Variants in PRAG1 observed in about 807,000 individuals in gnomAD.
PRAG1 encodes the protein inactive tyrosine-protein kinase PRAG1.
A neutral mutation model predicts 95.6 loss-of-function variants in PRAG1; 110 were observed. That is an observed-to-expected ratio of 1.15 (90% confidence interval 0.99 to 1.35). PRAG1 has a LOEUF of 1.35. Among genes scored for constraint, PRAG1 ranks in the 40% most tolerant of loss-of-function variants. The pLI is 0.00. For synonymous variants in PRAG1, 1,052 were observed against 819.4 expected, an observed-to-expected ratio of 1.28 and a Z score of -4.85; for missense variants, 2,554 against 1,864.7, an observed-to-expected ratio of 1.37 and a Z score of -6.81.
chr8:8,318,086 G>T lies in PRAG1; in HGVS notation c.*68C>A. On this transcript the variant is annotated 3_prime_UTR_variant, in exon 6 of 6. Coordinates refer to ENST00000615670, the MANE Select transcript of PRAG1 (RefSeq NM_001080826.3). This position sits in a 1 kb window ranked among gnomAD's most constrained non-coding sequence, Gnocchi z 4.2. ...TACCATTTCCCAGGGAGACATGGGTGCTTCCAAGGCGAGACAGGAAAGGGT... is the reference window on the plus strand; with the variant it reads ...TACCATTTCCCAGGGAGACATGGGTTCTTCCAAGGCGAGACAGGAAAGGGT... The T allele has an allele frequency of 6.8e-7, 1 of 1,472,034 alleles. No individual in the cohort carries two copies. The highest frequency in any genetic ancestry group is 9.1e-7 in the Non-Finnish European group (1 of 1,100,100). 91.2% of individuals were successfully genotyped at this position (1,472,034 alleles called of 1,614,324 possible).
intron 3 of PRAG1, among the ~76,000 whole-genome samples, chr8:8,357,692 A>C (rs961908489): frequency 2.0e-5 from 3 of 152,228 alleles, no homozygotes; most frequent in Non-Finnish European, 4.4e-5. Flanking sequence ...TTTGTGGTAT[A>C]TATTTCAAAG....
Position 8,328,406 on chromosome 8 carries a change from A to G in PRAG1, c.2376T>C (p.Ala792=). Residue 792 remains alanine (A), a synonymous_variant, in exon 5 of 6, where the codon GCT becomes GCC. Transcript: ENST00000615670. ...SPTNSGKKLF[A]PVPFPSGSTE... ...TGGAGCCTGAAGGAAACGGAACGGG[A>G]GCAAAGAGCTTCTTCCCGCTGTTGG... is the stretch of plus-strand genomic sequence containing the variant. 2 of 1,613,692 alleles carry G rather than the reference A, an allele frequency of 1.2e-6. No individual in the cohort carries two copies. The highest frequency in any genetic ancestry group is 1.7e-6 in the Non-Finnish European group (2 of 1,180,014).
At chr8:8,383,318 C>A (rs965581452) in intron 1 of PRAG1, among the ~76,000 whole-genome samples, 1 of 152,180 alleles carries the variant, frequency 6.6e-6, no homozygotes, top group African/African-American at 2.4e-5. Flanking sequence ...CGCCTGTAAT[C>A]CCAGCACTTT....
At chr8:8,346,413 G>A (rs1050889306) in intron 3 of PRAG1, among the ~76,000 whole-genome samples, 1 of 152,172 alleles carries the variant, frequency 6.6e-6, no homozygotes, top group Non-Finnish European at 1.5e-5. Context: ...ATACAGTCCA[G>A]GCAGGCAGGG....
At chr8:8,378,328 G>A (rs999606933) in intron 2 of PRAG1, among the ~76,000 whole-genome samples, 1 of 152,152 alleles carries the variant, frequency 6.6e-6, no homozygotes, top group East Asian at 1.9e-4. Flanking sequence ...CCCATGGACT[G>A]TAATGCTTTT....
At chr8:8,330,556 G>T (rs1425038039) in intron 4 of PRAG1, among the ~76,000 whole-genome samples, 3 of 152,134 alleles carry the variant, frequency 2.0e-5, no homozygotes, top group Admixed American at 1.3e-4. Context: ...CTTCCAGGAG[G>T]GCTCAAGTTA....
At chr8:8,355,987 A>C (rs1311417758) in intron 3 of PRAG1, among the ~76,000 whole-genome samples, 1 of 152,254 alleles carries the variant, frequency 6.6e-6, no homozygotes, top group Non-Finnish European at 1.5e-5. Flanking sequence ...ATGAAAAGGC[A>C]ACTTAGGAAC....
rs762891683 is a variant in PRAG1, at chr8:8,328,055, G to A, written c.2727C>T (p.Gly909=). ...CGGAGGGGGCCCCTTTGCACTGGAG[G>A]CCAGGGCTCCCGCAGCCGCCTCTGT... is the stretch of plus-strand genomic sequence containing the variant. ...AGNRGGCGSP[G]LQCKGAPSAS... Residue 909 remains glycine, a synonymous_variant, in exon 5 of 6, where the codon GGC becomes GGT. Coordinates refer to ENST00000615670, the MANE Select transcript of PRAG1 (RefSeq NM_001080826.3). The A allele has an allele frequency of 2.5e-6, 4 of 1,593,806 alleles. No individual in the cohort carries two copies. The South Asian group carries it at 4.6e-5, about 18-fold the overall frequency.
At chr8:8,328,580 A>C in intron 4 of PRAG1, 119 bp from the exon 5 acceptor site, 1 of 1,118,268 alleles carries the variant, frequency 8.9e-7, no homozygotes, top group Admixed American at 3.0e-5. Context: ...ATTTTATGTT[A>C]CTTCTTTTCT....
At chr8:8,363,827 A>C (rs751598372) in intron 3 of PRAG1, among the ~76,000 whole-genome samples, 3 of 152,182 alleles carry the variant, frequency 2.0e-5, no homozygotes, top group Non-Finnish European at 2.9e-5. Context: ...AACTGTTTAT[A>C]TTTAATTTAT....
chr8:8,325,244 A>G (rs976411941), intron 5 of PRAG1, among the ~76,000 whole-genome samples: 3 of 152,060 alleles, frequency 2.0e-5, no homozygotes, highest in Non-Finnish European at 2.9e-5. Context: ...CCCCCCAATG[A>G]CCAGGCCAGG....
chr8:8,341,578 T>A (rs930127495), intron 3 of PRAG1, among the ~76,000 whole-genome samples: 1 of 152,258 alleles, frequency 6.6e-6, no homozygotes, highest in African/African-American at 2.4e-5. Context: ...GTTTATTAAA[T>A]GCCTTTTCTA....
chr8:8,330,361 C>G (rs558748857), intron 4 of PRAG1, among the ~76,000 whole-genome samples: 2 of 152,314 alleles, frequency 1.3e-5, no homozygotes, highest in South Asian at 4.1e-4. Context: ...GTGAGACTGT[C>G]ACAAGTGAAA....
At chr8:8,328,582 T>C (rs1293925458) in intron 4 of PRAG1, 121 bp from the exon 5 acceptor site, 1 of 1,092,908 alleles carries the variant, frequency 9.1e-7, no homozygotes, top group African/African-American at 1.6e-5. Context: ...TTTATGTTAC[T>C]TCTTTTCTAT....
chr8:8,321,087 T>C (rs865790371), intron 5 of PRAG1, among the ~76,000 whole-genome samples: 2 of 152,242 alleles, frequency 1.3e-5, no homozygotes, highest in Non-Finnish European at 2.9e-5. Flanking sequence ...TATTCCGGAC[T>C]ACCCAACTCT....
At chr8:8,323,873 G>T (rs566905165) in intron 5 of PRAG1, among the ~76,000 whole-genome samples, 5 of 152,108 alleles carry the variant, frequency 3.3e-5, no homozygotes, top group Admixed American at 3.3e-4. Flanking sequence ...ACTGGAAAGC[G>T]CTTCGAGTAT....
At chr8:8,338,845 C>T (rs1028641895) in intron 4 of PRAG1, among the ~76,000 whole-genome samples, 1 of 152,176 alleles carries the variant, frequency 6.6e-6, no homozygotes, top group African/African-American at 2.4e-5. Flanking sequence ...AGGACACATA[C>T]ACAAAGAATG....
In PRAG1 at chr8:8,384,572, C is replaced by G. The variant is rs534393197; in HGVS notation, c.-88+1749G>C. On this transcript the variant is annotated intron_variant, in intron 1 of 5. Coordinates refer to ENST00000615670, the MANE Select transcript of PRAG1 (RefSeq NM_001080826.3). ...CTGCATCCTGTTAAAACTGGTTTCTCAGTCGCAGCAAACAGAATTTACCAC... is the reference window on the plus strand; with the variant it reads ...CTGCATCCTGTTAAAACTGGTTTCTGAGTCGCAGCAAACAGAATTTACCAC... 3.6e-5 allele frequency among the ~76,000 whole-genome samples: 5 copies of G among 139,650 alleles called. No homozygotes were observed. In the East Asian group the frequency reaches 1.0e-3, roughly 29 times the overall value. 91.6% of individuals were successfully genotyped at this position (139,650 alleles called of 152,430 possible).
chr8:8,353,732 A>G (rs1799596669), intron 3 of PRAG1, among the ~76,000 whole-genome samples: 1 of 152,170 alleles, frequency 6.6e-6, no homozygotes, highest in African/African-American at 2.4e-5. Context: ...GTTTGAGCCT[A>G]GGAGTTTGAG....
Sources: gnomAD v4.1 joint callset for allele counts (sites outside exome capture counted in the v4.1 genomes callset) on GRCh38, gnomAD v4.1.1 for gene constraint, Gnocchi (gnomAD v3.1) non-coding constraint, MANE v1.5 for transcripts, NCBI Gene and HGNC (gene_info 2026-07-23, HGNC 2026-07-21) for gene names.